WDR25: variants seen among roughly 807,000 people sequenced by gnomAD.
The protein encoded by WDR25 is WD repeat-containing protein 25.
WDR25 carries 35 observed loss-of-function variants against 47.7 expected under a neutral mutation model. The ratio of observed to expected loss-of-function variants is 0.73; its 90% CI spans 0.56 to 0.97. The LOEUF is 0.97. WDR25 is among the 50% of genes least tolerant of loss of function. WDR25 has a pLI of 0.00. For missense variants in WDR25, 634 were observed against 704.7 expected, an observed-to-expected ratio of 0.90 and a Z score of 1.14; for synonymous variants, 248 against 278.9, an observed-to-expected ratio of 0.89 and a Z score of 1.10.
chr14:100,463,000 T>C (rs1899474751), intron 2 of WDR25, among the ~76,000 whole-genome samples: 1 of 26,198 alleles, frequency 3.8e-5, no homozygotes, highest in Non-Finnish European at 5.6e-5. Flanking sequence ...CCCCTTCTCT[T>C]CTCTCCCCCT....
chr14:100,463,606 T>A (rs896576732), intron 2 of WDR25, among the ~76,000 whole-genome samples: 2 of 152,196 alleles, frequency 1.3e-5, no homozygotes, highest in Admixed American at 1.3e-4. Flanking sequence ...TGCGGCACAA[T>A]TTCCACAATG....
At chr14:100,503,044 C>CGTGTGTGTGTGTGCGTGTGT (rs1438256437) in intron 4 of WDR25, among the ~76,000 whole-genome samples, 1 of 150,144 alleles carries the variant, frequency 6.7e-6, no homozygotes, top group Non-Finnish European at 1.5e-5. Context: ...TGTCTGTGTC[C>CGTGTGTGTGTGTGCGTGTGT]GTGTGTGTGT....
intron 4 of WDR25, among the ~76,000 whole-genome samples, chr14:100,491,957 G>T (rs772799461): frequency 1.1e-4 from 17 of 152,212 alleles, no homozygotes; most frequent in Non-Finnish European, 1.9e-4. Flanking sequence ...GTGCAGGGTA[G>T]GCAGCCATTG....
At chr14:100,382,109 T>C (rs1322474891) in intron 2 of WDR25, 1 of 703,004 alleles carries the variant, frequency 1.4e-6, no homozygotes, top group East Asian at 2.7e-5. Context: ...CCATGCCAGC[T>C]CTGTGCCTGG....
At position 100,475,382 on chromosome 14, in the gene WDR25, G is replaced by A. The variant is rs138697798; in HGVS notation, c.970+7214G>A. The stretch of plus-strand genomic sequence containing the variant: ...GCCAAGATATGGAAGCCACCTCGGT[G>A]TCCATCAGCAGATGAGTGGATAAAG... On this transcript the variant is annotated intron_variant, in intron 3 of 6. Transcript: ENST00000402312. Among the ~76,000 whole-genome samples, 249 of 152,310 alleles carry A rather than the reference G, an allele frequency of 1.6e-3. 2 individuals carry two copies. The highest frequency in any genetic ancestry group is 5.8e-3 in the African/African-American group (239 of 41,556).
chr14:100,377,591 T>A (rs931814914), intron 1 of WDR25, among the ~76,000 whole-genome samples: 1 of 151,932 alleles, frequency 6.6e-6, no homozygotes, highest in Non-Finnish European at 1.5e-5. Context: ...ATTACAGGCG[T>A]GAGCCACCGC....
At chr14:100,496,773 A>G (rs1028730405) in intron 4 of WDR25, among the ~76,000 whole-genome samples, 1 of 147,030 alleles carries the variant, frequency 6.8e-6, no homozygotes, top group Admixed American at 6.8e-5. Context: ...GTTTCCAAGC[A>G]TGTGGAAACA....
At chr14:100,510,888 C>G (rs1901289859) in intron 4 of WDR25, among the ~76,000 whole-genome samples, 1 of 151,612 alleles carries the variant, frequency 6.6e-6, no homozygotes. Context: ...CTGGTGTGAG[C>G]CACTGCACTG....
chr14:100,419,242 T>A (rs962578694), intron 2 of WDR25, among the ~76,000 whole-genome samples: 14 of 147,784 alleles, frequency 9.5e-5, no homozygotes, highest in Admixed American at 4.7e-4. Flanking sequence ...AAAAAAAAAA[T>A]TTATTTCCCG....
chr14:100,428,266 A>G lies in WDR25; in HGVS notation c.823-39755A>G, dbSNP rs1898227178. On this transcript the variant is annotated intron_variant, in intron 2 of 6. Transcript: ENST00000402312. The surrounding 1 kb of genome is among the most constrained non-coding windows in gnomAD (Gnocchi z 4.3). ...GCCTATCTTGGGTCCCCCTCTGCCT[A>G]CAGGCAGTGAGTGTGGCCTGGGAGG... Among the ~76,000 whole-genome samples, 1 of 152,100 alleles carries G rather than the reference A, an allele frequency of 6.6e-6. No homozygotes were observed. Among genetic ancestry groups the G allele is most frequent in the African/African-American group, 2.4e-5 (1 of 41,402 alleles).
intron 2 of WDR25, among the ~76,000 whole-genome samples, chr14:100,421,465 T>C (rs1484965065): frequency 6.6e-6 from 1 of 152,146 alleles, no homozygotes; most frequent in African/African-American, 2.4e-5. Flanking sequence ...ACTGTTACCC[T>C]TGTGTCAACC....
Position 100,529,740 on chromosome 14 carries a change from G to A in WDR25, c.1414-80G>A. Reference sequence around the variant, plus strand: ...TCTGCTCCGTCAGCTCGGGGCTTCAGCCTGCTCCTCTGTAGAATGGGCATA... The same window carrying A: ...TCTGCTCCGTCAGCTCGGGGCTTCAACCTGCTCCTCTGTAGAATGGGCATA... On this transcript the variant is annotated intron_variant, in intron 6 of 6. Transcript: ENST00000402312. The surrounding 1 kb of genome is among the most constrained non-coding windows in gnomAD (Gnocchi z 5.1). 2 of 1,477,666 alleles carry A rather than the reference G, an allele frequency of 1.4e-6. No individual in the cohort carries two copies. The highest frequency in any genetic ancestry group is 1.8e-6 in the Non-Finnish European group (2 of 1,091,872). The allele number at this position is 1,477,666 out of a possible 1,614,324, so 91.5% of individuals were successfully genotyped here. A position where few individuals can be genotyped will look rare whatever the true frequency, so the allele number is the denominator to read the frequency against.
chr14:100,478,739 T>G (rs879557562), intron 3 of WDR25, among the ~76,000 whole-genome samples: 15 of 152,226 alleles, frequency 9.9e-5, no homozygotes, highest in Admixed American at 7.9e-4. Context: ...TTTGTTTGTT[T>G]TAGCAGAAAA....
At chr14:100,478,687 C>G (rs1166104002) in intron 3 of WDR25, among the ~76,000 whole-genome samples, 2 of 152,164 alleles carry the variant, frequency 1.3e-5, no homozygotes, top group Non-Finnish European at 2.9e-5. Flanking sequence ...GATTTTCAAT[C>G]TCTTTAGGGG....
Position 100,502,308 on chromosome 14 carries a change from G to A in WDR25, c.1101+18184G>A, listed in dbSNP as rs528274232. ...CCTGCTTAAGGGGAAAGGCCTTAAG[G>A]CTCTCATGAGCCCCCCACATTCAGT... On this transcript the variant is annotated intron_variant, in intron 4 of 6. Coordinates refer to ENST00000402312, the MANE Select transcript of WDR25 (RefSeq NM_001161476.3). The surrounding 1 kb of genome is among the most constrained non-coding windows in gnomAD (Gnocchi z 4.5). Among the ~76,000 whole-genome samples, 173 of 152,272 alleles carry A rather than the reference G, an allele frequency of 1.1e-3. No individual in the cohort carries two copies. Among genetic ancestry groups the A allele is most frequent in the Admixed American group, 3.5e-3 (53 of 15,302 alleles).
intron 2 of WDR25, among the ~76,000 whole-genome samples, chr14:100,433,562 C>G (rs1216510323): frequency 2.0e-5 from 3 of 152,198 alleles, no homozygotes; most frequent in Non-Finnish European, 4.4e-5. Context: ...CTCTCATCAA[C>G]TCGTTTTAGC....
intron 2 of WDR25, among the ~76,000 whole-genome samples, chr14:100,450,222 C>T (rs1203963212): frequency 6.6e-6 from 1 of 152,232 alleles, no homozygotes; most frequent in East Asian, 1.9e-4. Context: ...TCTTGTTGCT[C>T]TCCTCCTTCA....
intron 2 of WDR25, among the ~76,000 whole-genome samples, chr14:100,389,050 A>C (rs1269993652): frequency 6.6e-6 from 1 of 151,920 alleles, no homozygotes; most frequent in Non-Finnish European, 1.5e-5. Context: ...TGCTTTTAAA[A>C]CTCGGAGACA....
intron 2 of WDR25, among the ~76,000 whole-genome samples, chr14:100,438,605 G>C (rs187453881): frequency 1.3e-5 from 2 of 152,224 alleles, no homozygotes; most frequent in Non-Finnish European, 2.9e-5. Context: ...GCCAGAGGAG[G>C]TTTTGCCCCA....
Sources: gnomAD v4.1 joint callset for allele counts (sites outside exome capture counted in the v4.1 genomes callset) on GRCh38, gnomAD v4.1.1 for gene constraint, Gnocchi (gnomAD v3.1) non-coding constraint, MANE v1.5 for transcripts, NCBI Gene and HGNC (gene_info 2026-07-23, HGNC 2026-07-21) for gene names.